RIMS2: variants seen among roughly 807,000 people sequenced by gnomAD.
RIMS2 encodes regulating synaptic membrane exocytosis 2.
In RIMS2, 59 loss-of-function variants were observed where a neutral mutation model predicts 174.4. That is an observed-to-expected ratio of 0.34 (90% CI 0.27 to 0.42). The LOEUF (loss-of-function observed/expected upper bound fraction) is 0.42. RIMS2 is among the 10% of genes least tolerant of loss of function. RIMS2 has a pLI of 1.00. For missense variants in RIMS2, 1,620 were observed against 1,666.3 expected, an observed-to-expected ratio of 0.97 and a Z score of 0.48; for synonymous variants, 606 against 572.5, an observed-to-expected ratio of 1.06 and a Z score of -0.84.
chr8:104,208,429 G>A (rs974358477), intron 19 of RIMS2, among the ~76,000 whole-genome samples: 4 of 151,774 alleles, frequency 2.6e-5, no homozygotes, highest in East Asian at 1.9e-4. Context: ...TTAGCCGGGC[G>A]CAATGGCGGG....
At chr8:104,165,179 C>G (rs1158660829) in intron 19 of RIMS2, among the ~76,000 whole-genome samples, 2 of 152,314 alleles carry the variant, frequency 1.3e-5, no homozygotes, top group East Asian at 3.9e-4. Flanking sequence ...ATTAATCCCA[C>G]TAACTGTCGA....
intron 19 of RIMS2, among the ~76,000 whole-genome samples, chr8:104,045,901 T>C (rs1192237671): frequency 6.9e-6 from 1 of 144,684 alleles, no homozygotes; most frequent in Non-Finnish European, 1.5e-5. Context: ...TGGGAATAAG[T>C]AACATATATT....
chr8:104,092,829 T>TTAC, intron 19 of RIMS2, among the ~76,000 whole-genome samples: 1 of 152,034 alleles, frequency 6.6e-6, no homozygotes, highest in East Asian at 1.9e-4. Flanking sequence ...CCTAAAGCAT[T>TTAC]TACGATGGTT....
chr8:104,097,777 TTA>T (rs2097788068), intron 19 of RIMS2, among the ~76,000 whole-genome samples: 4 of 152,334 alleles, frequency 2.6e-5, no homozygotes, highest in Middle Eastern at 3.4e-3. Context: ...GATTGACATT[TTA>T]TATCTTTTAT....
intron 19 of RIMS2, among the ~76,000 whole-genome samples, chr8:104,095,772 C>T (rs2097752442): frequency 6.6e-6 from 1 of 152,022 alleles, no homozygotes. Context: ...TATTTATAAG[C>T]AAGATTTTGC....
chr8:104,003,368 A>G (rs2095460807), intron 17 of RIMS2, among the ~76,000 whole-genome samples: 1 of 152,130 alleles, frequency 6.6e-6, no homozygotes, highest in African/African-American at 2.4e-5. Flanking sequence ...GGCAGGAAAT[A>G]GCAAGAAATG....
downstream of RIMS2, chr8:104,254,252 G>A (rs998365647): frequency 7.3e-5 from 11 of 151,624 alleles, no homozygotes; most frequent in Non-Finnish European, 1.6e-4. Flanking sequence ...GTTTAGTCAT[G>A]TAACTAGCAC....
At chr8:103,949,791 A>G (rs907433869) in intron 14 of RIMS2, among the ~76,000 whole-genome samples, 1 of 152,184 alleles carries the variant, frequency 6.6e-6, no homozygotes, top group African/African-American at 2.4e-5. Flanking sequence ...AAGTCAAAAT[A>G]GAAATAAGTG....
At chr8:103,597,646 T>G (rs556513870) in intron 1 of RIMS2, among the ~76,000 whole-genome samples, 1 of 152,274 alleles carries the variant, frequency 6.6e-6, no homozygotes, top group East Asian at 1.9e-4. Flanking sequence ...AGAACTACAG[T>G]GATTTGAAAC....
chr8:103,802,431 C>T (rs1306162527), intron 3 of RIMS2, among the ~76,000 whole-genome samples: 1 of 152,002 alleles, frequency 6.6e-6, no homozygotes, highest in Non-Finnish European at 1.5e-5. Flanking sequence ...GACTTCTCAC[C>T]CACCTTTCAC....
intron 3 of RIMS2, among the ~76,000 whole-genome samples, chr8:103,789,605 T>A (rs2098477140): frequency 6.6e-6 from 1 of 152,178 alleles, no homozygotes; most frequent in Non-Finnish European, 1.5e-5. Context: ...GTACACCAGG[T>A]GGCAAGATTT....
intron 3 of RIMS2, among the ~76,000 whole-genome samples, chr8:103,876,864 T>TTATATATATATATATATATATA (rs199997824): frequency 1.0e-4 from 7 of 68,100 alleles, no homozygotes; most frequent in East Asian, 6.4e-4. Context: ...ACACACTATT[T>TTATATATATATATATATATATA]TATATATATA....
At chr8:103,543,465 G>A (rs551307566) in intron 1 of RIMS2, among the ~76,000 whole-genome samples, 4 of 152,080 alleles carry the variant, frequency 2.6e-5, no homozygotes, top group Non-Finnish European at 5.9e-5. Flanking sequence ...CAATCCCTAT[G>A]AAAATTCCAT....
intron 1 of RIMS2, among the ~76,000 whole-genome samples, chr8:103,503,766 T>C (rs901862612): frequency 1.3e-5 from 2 of 151,976 alleles, no homozygotes; most frequent in Admixed American, 1.3e-4. Flanking sequence ...TTGAACCTTA[T>C]TAATATTTAA....
chr8:104,224,744 G>A (rs1476548626), intron 19 of RIMS2, among the ~76,000 whole-genome samples: 5 of 152,030 alleles, frequency 3.3e-5, no homozygotes, highest in Non-Finnish European at 5.9e-5. Context: ...GAAATTGCCC[G>A]TTCTAAAAAC....
intron 19 of RIMS2, among the ~76,000 whole-genome samples, chr8:104,102,575 C>A (rs1275822637): frequency 1.3e-5 from 2 of 152,002 alleles, no homozygotes; most frequent in Non-Finnish European, 2.9e-5. Context: ...GAAGAAATAC[C>A]TGAGACTGGA....
chr8:103,942,672 C>T lies in RIMS2; in HGVS notation c.2548-101C>T, dbSNP rs977430785. 16 of 791,362 alleles carry T rather than the reference C, an allele frequency of 2.0e-5. No individual in the cohort carries two copies. The African/African-American group carries it at 2.4e-4, about 12-fold the overall frequency. 49.0% of individuals were successfully genotyped at this position (791,362 alleles called of 1,614,324 possible). On this transcript the variant is annotated intron_variant, in intron 13 of 23. Transcript: ENST00000504942. ...AATGACCTTGTTTTTCATGTAATAG[C>T]ATTACTATTATAATTATTACTACAA...
At chr8:104,155,689 A>G (rs1321944298) in intron 19 of RIMS2, among the ~76,000 whole-genome samples, 2 of 152,144 alleles carry the variant, frequency 1.3e-5, no homozygotes, top group African/African-American at 2.4e-5. Flanking sequence ...CTGGGATTAC[A>G]GGCATGAGCC....
At position 103,528,886 on chromosome 8, in the gene RIMS2, G is replaced by A. The variant is rs375725448; in HGVS notation, c.176+27824G>A. ...ACTTAGCAATGTGGGCTCTGTTTTG[G>A]TTCCATATGATCTTTAAAGTAGTTT... On this transcript the variant is annotated intron_variant, in intron 1 of 23. Transcript: ENST00000504942. Among the ~76,000 whole-genome samples the A allele has an allele frequency of 5.3e-5, 8 of 152,240 alleles. No individual in the cohort carries two copies. The East Asian group carries it at 1.5e-3, about 29-fold the overall frequency.
Sources: gnomAD v4.1 joint callset for allele counts (sites outside exome capture counted in the v4.1 genomes callset) on GRCh38, gnomAD v4.1.1 for gene constraint, MANE v1.5 for transcripts, NCBI Gene and HGNC (gene_info 2026-07-23, HGNC 2026-07-21) for gene names.